The following CNTN5 variants were observed in gnomAD, a reference collection of about 807,000 sequenced individuals.
CNTN5 encodes contactin-5.
CNTN5 carries 77 observed loss-of-function variants against 129.1 expected under a neutral mutation model. The observed-to-expected ratio is 0.60, with a 90% CI of 0.50 to 0.72. The LOEUF is 0.72. CNTN5 is among the 30% of genes least tolerant of loss of function. The pLI, the probability that CNTN5 is intolerant of heterozygous loss-of-function variation, is 0.00. For missense variants in CNTN5, 1,478 were observed against 1,328.8 expected (o/e 1.11, Z -1.75); for synonymous variants, 509 against 465.6 (o/e 1.09, Z -1.20).
At chr11:99,260,375 A>G (rs1862572050) in intron 1 of CNTN5, among the ~76,000 whole-genome samples, 1 of 151,698 alleles carries the variant, frequency 6.6e-6, no homozygotes, top group Non-Finnish European at 1.5e-5. Context: ...AAGATTTAGA[A>G]CTTTCTTTAA....
intron 3 of CNTN5, among the ~76,000 whole-genome samples, chr11:99,630,227 T>C (rs1294942306): frequency 8.8e-6 from 1 of 113,032 alleles, no homozygotes; most frequent in Non-Finnish European, 1.8e-5. Context: ...ACTTTGCTTA[T>C]GGATGTGTGT....
intron 3 of CNTN5, among the ~76,000 whole-genome samples, chr11:99,629,774 C>A (rs779328225): frequency 1.3e-5 from 2 of 151,704 alleles, no homozygotes; most frequent in Admixed American, 1.3e-4. Flanking sequence ...CAATTCATTT[C>A]TTAGCATTTT....
At chr11:99,665,108 A>G (rs1255672089) in intron 3 of CNTN5, among the ~76,000 whole-genome samples, 1 of 152,212 alleles carries the variant, frequency 6.6e-6, no homozygotes, top group African/African-American at 2.4e-5. Context: ...CATTTTCAGA[A>G]GTGTAAAAAT....
intron 7 of CNTN5, among the ~76,000 whole-genome samples, chr11:99,931,875 C>G (rs1390707989): frequency 6.6e-6 from 1 of 152,178 alleles, no homozygotes; most frequent in East Asian, 1.9e-4. Context: ...CGATATCCTT[C>G]TAATTCCAGA....
intron 14 of CNTN5, among the ~76,000 whole-genome samples, chr11:100,192,558 C>G (rs576293108): frequency 6.6e-6 from 1 of 152,058 alleles, no homozygotes; most frequent in Admixed American, 6.6e-5. Context: ...GAAATTTAAG[C>G]CAATTGTTAA....
chr11:100,017,921 A>G (rs1475132031), intron 9 of CNTN5, among the ~76,000 whole-genome samples: 1 of 152,068 alleles, frequency 6.6e-6, no homozygotes, highest in Non-Finnish European at 1.5e-5. Context: ...AAAATAGAAT[A>G]GACAAAGACT....
intron 2 of CNTN5, among the ~76,000 whole-genome samples, chr11:99,428,962 T>A (rs1943252785): frequency 6.6e-6 from 1 of 152,104 alleles, no homozygotes; most frequent in Admixed American, 6.6e-5. Flanking sequence ...ATAAAAAAAT[T>A]ACACAAAGAT....
At position 99,468,216 on chromosome 11, in the gene CNTN5, A is replaced by T. The variant is rs75536029; in HGVS notation, c.-70-87929A>T. ...CAAAAACGAATATGCACAGCTATTAATTCCCTTTCTAGTGTCTGATAAGTA... is the reference window on the plus strand; with the variant it reads ...CAAAAACGAATATGCACAGCTATTATTTCCCTTTCTAGTGTCTGATAAGTA... On this transcript the variant is annotated intron_variant, in intron 2 of 24. Coordinates refer to ENST00000524871, the MANE Select transcript of CNTN5 (RefSeq NM_014361.4). Among the ~76,000 whole-genome samples, 101 of 152,274 alleles carry T rather than the reference A, an allele frequency of 6.6e-4. No individual in the cohort carries two copies. In the East Asian group the frequency reaches 0.019, roughly 28 times the overall value.
At chr11:99,480,327 TC>T (rs1472442900) in intron 2 of CNTN5, among the ~76,000 whole-genome samples, 2 of 152,168 alleles carry the variant, frequency 1.3e-5, no homozygotes, top group Non-Finnish European at 2.9e-5. Context: ...CAACATTTGG[TC>T]AGGTAAAGAG....
chr11:99,590,824 G>T (rs1343429671), intron 3 of CNTN5, among the ~76,000 whole-genome samples: 1 of 152,140 alleles, frequency 6.6e-6, no homozygotes, highest in East Asian at 1.9e-4. Flanking sequence ...TCTGAAAAGT[G>T]CCACAACACC....
chr11:99,426,288 A>G (rs1159436940), intron 2 of CNTN5, among the ~76,000 whole-genome samples: 2 of 152,160 alleles, frequency 1.3e-5, no homozygotes, highest in Non-Finnish European at 2.9e-5. Context: ...ATATCACAAA[A>G]TAGGATCACA....
intron 2 of CNTN5, among the ~76,000 whole-genome samples, chr11:99,408,454 GAAAGAAAGAAAGAA>G (rs1565557950): frequency 4.7e-5 from 6 of 127,546 alleles, no homozygotes; most frequent in African/African-American, 1.1e-4. Context: ...GAAAGAGAAA[GAAAGAAAGAAAGAA>G]AGAAAGAAAG....
chr11:99,801,319 C>T (rs1302060732), intron 3 of CNTN5, among the ~76,000 whole-genome samples: 1 of 152,060 alleles, frequency 6.6e-6, no homozygotes, highest in African/African-American at 2.4e-5. Context: ...CTGATGAGGT[C>T]CTCTTTGTAT....
At chr11:100,284,221 A>T (rs1253394490) in intron 18 of CNTN5, among the ~76,000 whole-genome samples, 1 of 152,174 alleles carries the variant, frequency 6.6e-6, no homozygotes, top group Non-Finnish European at 1.5e-5. Context: ...TAAACCAAAT[A>T]CTGTGAGTGC....
At chr11:100,247,486 G>A (rs2138699913) in intron 16 of CNTN5, among the ~76,000 whole-genome samples, 1 of 152,266 alleles carries the variant, frequency 6.6e-6, no homozygotes, top group South Asian at 2.1e-4. Context: ...GCAAACAAAT[G>A]TAAGAAAGCC....
At chr11:99,440,640 A>G (rs1296639898) in intron 2 of CNTN5, among the ~76,000 whole-genome samples, 2 of 151,752 alleles carry the variant, frequency 1.3e-5, no homozygotes, top group Non-Finnish European at 2.9e-5. Context: ...CTTGTGTAAC[A>G]TTTCTTCTTC....
At chr11:99,291,775 A>G (rs1864181310) in intron 1 of CNTN5, among the ~76,000 whole-genome samples, 1 of 152,024 alleles carries the variant, frequency 6.6e-6, no homozygotes, top group Non-Finnish European at 1.5e-5. Flanking sequence ...TAAGAAATGC[A>G]TGTTGACTGA....
chr11:100,004,212 C>T (rs924947192), intron 9 of CNTN5, among the ~76,000 whole-genome samples: 1 of 152,190 alleles, frequency 6.6e-6, no homozygotes, highest in African/African-American at 2.4e-5. Context: ...GATCTTACCA[C>T]TCAGGCTGTT....
intron 3 of CNTN5, among the ~76,000 whole-genome samples, chr11:99,653,392 C>T (rs1458208272): frequency 6.6e-6 from 1 of 152,102 alleles, no homozygotes; most frequent in Non-Finnish European, 1.5e-5. Flanking sequence ...GCCAATTTAT[C>T]CATCCAGATT....
Sources: allele counts gnomAD v4.1 joint callset (sites outside exome capture counted in the v4.1 genomes callset), GRCh38; gene constraint gnomAD v4.1.1; transcripts MANE v1.5; gene names NCBI Gene and HGNC (gene_info 2026-07-23, HGNC 2026-07-21).